The following NTRK3 variants were observed in gnomAD, a reference collection of about 807,000 sequenced individuals.
NTRK3 encodes the protein neurotrophic receptor tyrosine kinase 3.
NTRK3 carries 24 observed loss-of-function variants against 91.7 expected under a neutral mutation model. The ratio of observed to expected loss-of-function variants is 0.26; its 90% CI spans 0.19 to 0.37. The LOEUF is 0.37. Ranked by LOEUF, NTRK3 falls within the 10% of genes least tolerant of loss-of-function variation. NTRK3 has a pLI of 1.00. For missense variants in NTRK3, 880 were observed against 1,068.9 expected (o/e 0.82, Z 2.46); for synonymous variants, 483 against 404.0 (o/e 1.20, Z -2.34).
chr15:88,117,560 T>C (rs2052232812), intron 13 of NTRK3, among the ~76,000 whole-genome samples: 1 of 152,250 alleles, frequency 6.6e-6, no homozygotes, highest in African/African-American at 2.4e-5. Flanking sequence ...TTCGTGGACC[T>C]GTGACCTGAC....
At chr15:87,921,788 C>A (rs560887741) in intron 17 of NTRK3, among the ~76,000 whole-genome samples, 1 of 152,212 alleles carries the variant, frequency 6.6e-6, no homozygotes, top group African/African-American at 2.4e-5. Flanking sequence ...AGCAAAACTT[C>A]TGCCTCTGCA....
At chr15:88,217,243 A>G (rs2049862148) in intron 3 of NTRK3, among the ~76,000 whole-genome samples, 1 of 152,250 alleles carries the variant, frequency 6.6e-6, no homozygotes, top group African/African-American at 2.4e-5. Flanking sequence ...CAACAACTCT[A>G]CTTCTGGGTA....
At chr15:88,132,292 C>T (rs1254639420) in intron 10 of NTRK3, among the ~76,000 whole-genome samples, 1 of 152,246 alleles carries the variant, frequency 6.6e-6, no homozygotes, top group Non-Finnish European at 1.5e-5. Flanking sequence ...AGCTAGTAAG[C>T]CTTTTCTCTG....
chr15:87,971,731 A>T (rs1455805861), intron 14 of NTRK3, among the ~76,000 whole-genome samples: 8 of 152,190 alleles, frequency 5.3e-5, no homozygotes, highest in Admixed American at 5.2e-4. Flanking sequence ...TGTGAGAGGT[A>T]AATATTTCCC....
intron 17 of NTRK3, among the ~76,000 whole-genome samples, chr15:87,914,423 C>T (rs772606268): frequency 1.2e-4 from 18 of 152,132 alleles, no homozygotes; most frequent in Non-Finnish European, 1.8e-4. Flanking sequence ...CTCAGAGTCC[C>T]CACATACTGA....
chr15:87,940,399 C>T (rs1364270303), intron 15 of NTRK3, among the ~76,000 whole-genome samples: 1 of 152,220 alleles, frequency 6.6e-6, no homozygotes, highest in African/African-American at 2.4e-5. Context: ...AATAAACTTG[C>T]TCCCCTGGCA....
intron 13 of NTRK3, among the ~76,000 whole-genome samples, chr15:88,046,253 C>A (rs1478401916): frequency 6.6e-6 from 1 of 152,158 alleles, no homozygotes; most frequent in Non-Finnish European, 1.5e-5. Context: ...TTGAAAGTGA[C>A]CTACAGACTA....
intron 3 of NTRK3, among the ~76,000 whole-genome samples, chr15:88,207,150 G>A (rs2048865327): frequency 6.6e-6 from 1 of 152,178 alleles, no homozygotes; most frequent in South Asian, 2.1e-4. Flanking sequence ...GAGCTCAATG[G>A]TATTTGTCAG....
At chr15:88,021,544 A>G (rs1259596138) in intron 14 of NTRK3, among the ~76,000 whole-genome samples, 1 of 152,178 alleles carries the variant, frequency 6.6e-6, no homozygotes, top group African/African-American at 2.4e-5. Flanking sequence ...ACAGTACGAA[A>G]GTTACTTAAT....
intron 4 of NTRK3, 114 bp downstream of exon 4, chr15:88,184,111 G>A (rs2046754504): frequency 2.0e-6 from 2 of 1,024,804 alleles, no homozygotes; most frequent in South Asian, 1.4e-5. Flanking sequence ...AAGACCTGGG[G>A]GAGAAAGCAC....
At chr15:88,083,355 T>G (rs1476691050) in intron 13 of NTRK3, among the ~76,000 whole-genome samples, 1 of 152,096 alleles carries the variant, frequency 6.6e-6, no homozygotes, top group Non-Finnish European at 1.5e-5. Context: ...CTGGAGTAGC[T>G]GGGATTATAG....
rs1225646478 is a variant in NTRK3 at position 88,240,491 on chromosome 15, C to A, written c.248+15415G>T. Among the ~76,000 whole-genome samples, 1 of 152,190 alleles carries A rather than the reference C, an allele frequency of 6.6e-6. No individual in the cohort carries two copies. Among genetic ancestry groups the A allele is most frequent in the Non-Finnish European group, 1.5e-5 (1 of 68,042 alleles). On this transcript the variant is annotated intron_variant, in intron 3 of 18. Coordinates refer to ENST00000394480, the Ensembl canonical transcript of NTRK3. The surrounding 1 kb of genome is among the most constrained non-coding windows in gnomAD (Gnocchi z 4.9). The stretch of plus-strand genomic sequence containing the variant: ...CCCTTCTACCCCACCCTCCTTACCA[C>A]CAAAACAGCACGTCATGTGTCCTGT...
chr15:87,992,669 G>T (rs1293947111), intron 14 of NTRK3, among the ~76,000 whole-genome samples: 3 of 152,224 alleles, frequency 2.0e-5, no homozygotes, highest in Non-Finnish European at 2.9e-5. Context: ...ATCCCTATGA[G>T]GGGAGAACTG....
chr15:88,070,810 T>G (rs948652064), intron 13 of NTRK3, among the ~76,000 whole-genome samples: 2 of 151,862 alleles, frequency 1.3e-5, no homozygotes, highest in African/African-American at 4.8e-5. Flanking sequence ...ATGATGTTCT[T>G]GACAACAAGG....
chr15:88,184,644 T>G (rs1322996861), intron 3 of NTRK3, among the ~76,000 whole-genome samples: 1 of 152,232 alleles, frequency 6.6e-6, no homozygotes, highest in Non-Finnish European at 1.5e-5. Flanking sequence ...TTCCCCTTCT[T>G]TCTTTTTCCT....
chr15:88,045,602 T>G (rs925051657), intron 13 of NTRK3, among the ~76,000 whole-genome samples: 4 of 152,150 alleles, frequency 2.6e-5, no homozygotes, highest in African/African-American at 9.7e-5. Flanking sequence ...ACAAACTAGG[T>G]GACTTAAAAC....
At chr15:88,195,051 T>C (rs751224429) in intron 3 of NTRK3, among the ~76,000 whole-genome samples, 22 of 152,302 alleles carry the variant, frequency 1.4e-4, no homozygotes, top group Non-Finnish European at 2.4e-4. Flanking sequence ...CCCCCAGGCT[T>C]GGGTTGTCTG....
intron 14 of NTRK3, among the ~76,000 whole-genome samples, chr15:88,017,661 A>C (rs2077331694): frequency 6.6e-6 from 1 of 151,870 alleles, no homozygotes; most frequent in African/African-American, 2.4e-5. Flanking sequence ...CCCACCCAGC[A>C]CATTTTCCTG....
At chr15:87,978,275 CAAAGT>C (rs1336501806) in intron 14 of NTRK3, 2 of 230,632 alleles carry the variant, frequency 8.7e-6, no homozygotes, top group African/African-American at 4.4e-5. Flanking sequence ...TCAAAGCAAG[CAAAGT>C]AAACACACAT....
Sources: allele counts gnomAD v4.1 joint callset (sites outside exome capture counted in the v4.1 genomes callset), GRCh38; gene constraint gnomAD v4.1.1; non-coding constraint Gnocchi (gnomAD v3.1); transcripts MANE v1.5; gene names NCBI Gene and HGNC (gene_info 2026-07-23, HGNC 2026-07-21).